CHLSN: variants seen among roughly 807,000 people sequenced by gnomAD.
CHLSN encodes cholesin, also known as protein cholesin.
the CHLSN span, among the ~76,000 whole-genome samples, chr7:1,085,616 T>C: frequency 6.6e-6 from 1 of 151,654 alleles, no homozygotes; most frequent in African/African-American, 2.4e-5. Context: ...GAGGATCTCT[T>C]GAGCCCAGGA....
the CHLSN span, chr7:1,058,311 G>A: frequency 0.022 from 17,256 of 775,876 alleles, 258 homozygotes; most frequent in Non-Finnish European, 0.029. Context: ...AGGGAAGCCC[G>A]TGGACGCACA....
the CHLSN span, among the ~76,000 whole-genome samples, chr7:1,070,640 G>GC: frequency 7.4e-6 from 1 of 135,848 alleles, no homozygotes; most frequent in African/African-American, 2.8e-5. Context: ...CACGCACACG[G>GC]ACACACATGC....
the CHLSN span, among the ~76,000 whole-genome samples, chr7:1,125,280 C>T: frequency 2.0e-5 from 3 of 152,210 alleles, no homozygotes; most frequent in African/African-American, 4.8e-5. Context: ...TGCTGGAAGC[C>T]GCTTTGAAGG....
chr7:1,066,339 C>T, the CHLSN span, among the ~76,000 whole-genome samples: 1 of 152,252 alleles, frequency 6.6e-6, no homozygotes, highest in Non-Finnish European at 1.5e-5. Context: ...CTGGACGCCG[C>T]CTAGCAGATT....
chr7:1,094,540 A>G, the CHLSN span, among the ~76,000 whole-genome samples: 3 of 152,252 alleles, frequency 2.0e-5, no homozygotes, highest in Admixed American at 6.5e-5. Context: ...CGGGTGCGGC[A>G]CAATGAAGAC....
chr7:1,012,442 G>A, the CHLSN span, among the ~76,000 whole-genome samples: 3 of 152,236 alleles, frequency 2.0e-5, no homozygotes, highest in South Asian at 2.1e-4. Flanking sequence ...GCTGTTTCCC[G>A]CAGGCTTCCT....
At chr7:1,071,958 G>A in the CHLSN span, among the ~76,000 whole-genome samples, 1 of 152,204 alleles carries the variant, frequency 6.6e-6, no homozygotes, top group Non-Finnish European at 1.5e-5. Flanking sequence ...CGGCACACGT[G>A]GGGAGGCTGC....
At chr7:1,133,289 G>A in the CHLSN span, among the ~76,000 whole-genome samples, 1 of 151,710 alleles carries the variant, frequency 6.6e-6, no homozygotes, top group African/African-American at 2.4e-5. Flanking sequence ...GCAAGTGGAG[G>A]GAAGAGTGGG....
At chr7:1,116,078 G>A in the CHLSN span, among the ~76,000 whole-genome samples, 1 of 116,594 alleles carries the variant, frequency 8.6e-6, no homozygotes, top group Non-Finnish European at 1.8e-5. Flanking sequence ...CACGCAGGAT[G>A]ATGACATCAC....
At chr7:1,125,012 G>A in the CHLSN span, among the ~76,000 whole-genome samples, 1 of 152,184 alleles carries the variant, frequency 6.6e-6, no homozygotes, top group Non-Finnish European at 1.5e-5. Context: ...AGTGAGAGAC[G>A]ACCCTCTGAG....
At chr7:991,113 G>A in the CHLSN span, among the ~76,000 whole-genome samples, 10 of 152,004 alleles carry the variant, frequency 6.6e-5, no homozygotes, top group African/African-American at 2.2e-4. Context: ...AGGGGAGCCC[G>A]AGGCCCACGT....
chr7:1,009,817 G>T, the CHLSN span: 6 of 792,392 alleles, frequency 7.6e-6, no homozygotes, highest in Non-Finnish European at 1.1e-5. Context: ...GGCAGCACAG[G>T]CCTGGCATGA....
chr7:1,104,974 G>A, the CHLSN span, among the ~76,000 whole-genome samples: 1 of 152,242 alleles, frequency 6.6e-6, no homozygotes, highest in Non-Finnish European at 1.5e-5. Context: ...AGTAAGTTCA[G>A]AGGCTTCCTT....
the CHLSN span, chr7:1,093,068 G>A: frequency 1.4e-6 from 1 of 705,240 alleles, no homozygotes; most frequent in African/African-American, 1.8e-5. Context: ...ACACAGAATT[G>A]CTACAATCCC....
the CHLSN span, chr7:984,389 G>T: frequency 1.3e-6 from 2 of 1,543,756 alleles, no homozygotes; most frequent in African/African-American, 1.4e-5. Flanking sequence ...GGCTGCCCGG[G>T]TGACCCCCGC....
the CHLSN span, chr7:984,407 G>T: frequency 7.8e-6 from 12 of 1,546,554 alleles, no homozygotes; most frequent in Non-Finnish European, 1.0e-5. Flanking sequence ...CGCCATCCCT[G>T]CCAGCTCTCA....
At chr7:987,575 G>A in the CHLSN span, 5 of 1,458,134 alleles carry the variant, frequency 3.4e-6, no homozygotes, top group South Asian at 5.3e-5. Context: ...CTCTGGGGTA[G>A]GCCTCGGCGG....
the CHLSN span, among the ~76,000 whole-genome samples, chr7:1,033,252 C>T: frequency 2.6e-5 from 4 of 152,210 alleles, no homozygotes; most frequent in South Asian, 2.1e-4. Flanking sequence ...GTGGAAGGCT[C>T]GCTCACTATT....
At chr7:1,070,532 C>CACAA in the CHLSN span, among the ~76,000 whole-genome samples, 1 of 150,122 alleles carries the variant, frequency 6.7e-6, no homozygotes, top group Non-Finnish European at 1.5e-5. Flanking sequence ...TACACATACA[C>CACAA]CACGTGCACA....
Sources: allele counts gnomAD v4.1 joint callset (sites outside exome capture counted in the v4.1 genomes callset), GRCh38; gene constraint gnomAD v4.1.1; transcripts MANE v1.5; gene names NCBI Gene and HGNC (gene_info 2026-07-23, HGNC 2026-07-21).